Variants in ASB13 observed in about 807,000 individuals in gnomAD.
ASB13 encodes the protein ankyrin repeat and SOCS box protein 13.
In ASB13, 33 loss-of-function variants were observed where a neutral mutation model predicts 28.8. The observed-to-expected ratio is 1.15, with a 90% CI of 0.87 to 1.53. ASB13 has a LOEUF of 1.53. Among genes scored for constraint, ASB13 ranks in the 40% most tolerant of loss-of-function variants. ASB13 has a pLI of 0.00. For synonymous variants in ASB13, 182 were observed against 172.9 expected (o/e 1.05, Z -0.41); for missense variants, 414 against 390.1 (o/e 1.06, Z -0.52).
rs1208060801 is a variant in ASB13, at chr10:5,652,976, C to A, written c.118G>T (p.Glu40Ter). The change falls in exon 2 of 6, where the codon GAG becomes TAG. Residue 40 changes from glutamate (E) to a stop codon, truncating the protein, a stop_gained. Coordinates refer to ENST00000357700, the MANE Select transcript of ASB13 (RefSeq NM_024701.4). LOFTEE classifies it high-confidence loss of function. The surrounding 1 kb of genome is among the most constrained non-coding windows in gnomAD (Gnocchi z 5.0). ...GESLQLQQLI[E>*]SGACVNQVTV... Reference sequence around the variant, plus strand: ...ACCTGGTTCACGCAGGCGCCGCTCTCGATCAGCTGTTGCAGCTGCAGGCTC... The same window carrying A: ...ACCTGGTTCACGCAGGCGCCGCTCTAGATCAGCTGTTGCAGCTGCAGGCTC... The A allele has an allele frequency of 6.4e-7, 1 of 1,560,240 alleles. No homozygotes were observed. Among genetic ancestry groups the A allele is most frequent in the Non-Finnish European group, 8.7e-7 (1 of 1,151,748 alleles).
chr10:5,660,378 C>T lies in ASB13; in HGVS notation c.43+6131G>A, dbSNP rs1244518126. Among the ~76,000 whole-genome samples the T allele has an allele frequency of 1.3e-5, 2 of 152,180 alleles. No homozygotes were observed. Among genetic ancestry groups the T allele is most frequent in the African/African-American group, 4.8e-5 (2 of 41,442 alleles). On this transcript the variant is annotated intron_variant, in intron 1 of 5. Coordinates refer to ENST00000357700, the MANE Select transcript of ASB13 (RefSeq NM_024701.4). This position sits in a 1 kb window ranked among gnomAD's most constrained non-coding sequence, Gnocchi z 6.1. The stretch of plus-strand genomic sequence containing the variant: ...TTGCCCCTTTGCTGGGGCCCCGACA[C>T]CCTCCCATCTAAGGCTGTGCCCTGC...
rs910489739 is a variant in ASB13 at position 5,650,818 on chromosome 10, G to C, written c.382+395C>G. Among the ~76,000 whole-genome samples the C allele has an allele frequency of 1.3e-5, 2 of 152,188 alleles. No individual in the cohort carries two copies. The highest frequency in any genetic ancestry group is 2.9e-5 in the Non-Finnish European group (2 of 68,022). ...ACCAGCACTGTTTTGAGAGCACCAC[G>C]CACAGCCTCCTGGCCCAGGCTGTTG... On this transcript the variant is annotated intron_variant, in intron 3 of 5. Transcript: ENST00000357700. The surrounding 1 kb of genome is among the most constrained non-coding windows in gnomAD (Gnocchi z 6.0).
chr10:5,652,919 C>A lies in ASB13; in HGVS notation c.175G>T (p.Ala59Ser). 6.3e-7 allele frequency: 1 copy of A among 1,584,638 alleles called. No homozygotes were observed. The highest frequency in any genetic ancestry group is 1.2e-5 in the South Asian group (1 of 86,496). The change falls in exon 2 of 6, where the codon GCC (alanine) becomes TCC (serine). Residue 59 changes from alanine to serine, a missense_variant. Coordinates refer to ENST00000357700, the MANE Select transcript of ASB13 (RefSeq NM_024701.4). The surrounding 1 kb of genome is among the most constrained non-coding windows in gnomAD (Gnocchi z 5.0). ...CACCGCGCCTGGCCCTGCAGACTGG[C>A]TGCGTGCAGGGGCGTGATGGAGTCC... ...TVDSITPLHA[A>S]SLQGQARCVQ... is the part of the protein sequence containing the mutation.
At chr10:5,654,145 C>CTTTT (rs145949502) in intron 1 of ASB13, among the ~76,000 whole-genome samples, 2 of 128,782 alleles carry the variant, frequency 1.6e-5, no homozygotes, top group Non-Finnish European at 3.2e-5. Context: ...TTCTTTTTTT[C>CTTTT]TTTTTTTTTT....
At position 5,652,967 on chromosome 10, in the gene ASB13, C is replaced by A. The variant is rs749029951; in HGVS notation, c.127G>T (p.Ala43Ser). The change falls in exon 2 of 6, where the codon GCC (alanine) becomes TCC (serine). Residue 43 changes from alanine (A) to serine (S), a missense_variant. Coordinates refer to ENST00000357700, the MANE Select transcript of ASB13 (RefSeq NM_024701.4). The surrounding 1 kb of genome is among the most constrained non-coding windows in gnomAD (Gnocchi z 5.0). The part of the protein sequence containing the change: ...LQLQQLIESG[A>S]CVNQVTVDSI... The stretch of plus-strand genomic sequence containing the variant: ...TCCACGGTGACCTGGTTCACGCAGG[C>A]GCCGCTCTCGATCAGCTGTTGCAGC... The A allele has an allele frequency of 6.4e-7, 1 of 1,564,730 alleles. No individual in the cohort carries two copies. Among genetic ancestry groups the A allele is most frequent in the South Asian group, 1.2e-5 (1 of 84,938 alleles).
rs1224901266 is a variant in ASB13 at position 5,652,403 on chromosome 10, C to T, written c.231+460G>A. 6.6e-6 allele frequency among the ~76,000 whole-genome samples: 1 copy of T among 152,198 alleles called. No individual in the cohort carries two copies. Among genetic ancestry groups the T allele is most frequent in the Non-Finnish European group, 1.5e-5 (1 of 68,034 alleles). On this transcript the variant is annotated intron_variant, in intron 2 of 5. Transcript: ENST00000357700. This position sits in a 1 kb window ranked among gnomAD's most constrained non-coding sequence, Gnocchi z 5.0. ...AGGAATTCTGCTGACCAGAAACCCC[C>T]GGTGGCTTAATACTAGCCAGGGTGG...
Position 5,640,281 on chromosome 10 carries a change from C to G in ASB13, c.*422G>C, listed in dbSNP as rs1834785331. On this transcript the variant is annotated 3_prime_UTR_variant, in exon 6 of 6. Transcript: ENST00000357700. ...CCGACCCGGAGGTGGTGGCCTGCACCTGGGGCCTGTGCATCTGCGGCAGGC... is the reference window on the plus strand; with the variant it reads ...CCGACCCGGAGGTGGTGGCCTGCACGTGGGGCCTGTGCATCTGCGGCAGGC... 1 of 163,122 alleles carries G rather than the reference C, an allele frequency of 6.1e-6. No homozygotes were observed. Among genetic ancestry groups the G allele is most frequent in the South Asian group, 1.6e-4 (1 of 6,158 alleles). The allele number at this position is 163,122 out of a possible 1,614,324, so 10.1% of individuals were successfully genotyped here. A position where few individuals can be genotyped will look rare whatever the true frequency, so the allele number is the denominator to read the frequency against.
In ASB13 at chr10:5,664,647, T is replaced by C. The variant is rs978939050; in HGVS notation, c.43+1862A>G. ...TTCATCTACCACAGAAGGACGTCCA[T>C]AGGGAATGCAGAATTTCTTTATTTC... On this transcript the variant is annotated intron_variant, in intron 1 of 5. Coordinates refer to ENST00000357700, the MANE Select transcript of ASB13 (RefSeq NM_024701.4). This position sits in a 1 kb window ranked among gnomAD's most constrained non-coding sequence, Gnocchi z 4.2. Among the ~76,000 whole-genome samples the C allele has an allele frequency of 2.0e-5, 3 of 152,096 alleles. No homozygotes were observed. Among genetic ancestry groups the C allele is most frequent in the African/African-American group, 7.2e-5 (3 of 41,418 alleles).
intron 4 of ASB13, among the ~76,000 whole-genome samples, chr10:5,648,721 C>G (rs981360460): frequency 6.6e-6 from 1 of 150,998 alleles, no homozygotes; most frequent in African/African-American, 2.4e-5. Context: ...GGGGTAAACA[C>G]CCACGCAGGT....
Position 5,652,792 on chromosome 10 carries a change from TCTC to T in ASB13, c.231+68_231+70del. On this transcript the variant is annotated intron_variant, in intron 2 of 5. Transcript: ENST00000357700. The surrounding 1 kb of genome is among the most constrained non-coding windows in gnomAD (Gnocchi z 5.0). ...CCCCATCCTCCCCTCTTTCCCAAGT[TCTC>T]CTGAGTCAACCTCCTCCATTCTGGC... The T allele has an allele frequency of 1.4e-6, 2 of 1,424,726 alleles. No individual in the cohort carries two copies. Among genetic ancestry groups the T allele is most frequent in the Non-Finnish European group, 1.9e-6 (2 of 1,079,786 alleles). The allele number at this position is 1,424,726 out of a possible 1,614,324, so 88.3% of individuals were successfully genotyped here.
At position 5,660,481 on chromosome 10, in the gene ASB13, G is replaced by A. The variant is rs1462506381; in HGVS notation, c.43+6028C>T. Among the ~76,000 whole-genome samples, 1 of 152,158 alleles carries A rather than the reference G, an allele frequency of 6.6e-6. No homozygotes were observed. The highest frequency in any genetic ancestry group is 1.5e-5 in the Non-Finnish European group (1 of 68,026). ...GTGGCTCAGGGTCAGCCTACCCTCA[G>A]GGAGCAGACTCTACAGGGGCAAGCT... On this transcript the variant is annotated intron_variant, in intron 1 of 5. Transcript: ENST00000357700. The surrounding 1 kb of genome is among the most constrained non-coding windows in gnomAD (Gnocchi z 6.1).
rs569443664 is a variant in ASB13, at chr10:5,644,556, G to T, written c.518-2595C>A. Among the ~76,000 whole-genome samples, 1 of 152,112 alleles carries T rather than the reference G, an allele frequency of 6.6e-6. No homozygotes were observed. On this transcript the variant is annotated intron_variant, in intron 4 of 5. Coordinates refer to ENST00000357700, the MANE Select transcript of ASB13 (RefSeq NM_024701.4). This position sits in a 1 kb window ranked among gnomAD's most constrained non-coding sequence, Gnocchi z 5.1. ...AACAGGGCCAGACACGGTGGCTCATGCCTGTAATCCCAGCACTTTGAGAGC... is the reference window on the plus strand; with the variant it reads ...AACAGGGCCAGACACGGTGGCTCATTCCTGTAATCCCAGCACTTTGAGAGC...
rs1284943676 is a variant in ASB13 at position 5,663,406 on chromosome 10, C to T, written c.43+3103G>A. 6.6e-6 allele frequency among the ~76,000 whole-genome samples: 1 copy of T among 152,176 alleles called. No homozygotes were observed. Among genetic ancestry groups the T allele is most frequent in the Non-Finnish European group, 1.5e-5 (1 of 68,040 alleles). On this transcript the variant is annotated intron_variant, in intron 1 of 5. Transcript: ENST00000357700. The surrounding 1 kb of genome is among the most constrained non-coding windows in gnomAD (Gnocchi z 4.9). ...TCCCCTGACTCCCTCATCACTCACC[C>T]AATTATCTGCTACCCCGACTCCTCC...
At position 5,655,120 on chromosome 10, in the gene ASB13, T is replaced by C. The variant is rs527313555; in HGVS notation, c.44-2070A>G. ...TCTGTCTTTAAAAAAAAAAAAAAAG[T>C]GTCTGCATCGAATTTCCTCTGCAGG... On this transcript the variant is annotated intron_variant, in intron 1 of 5. Coordinates refer to ENST00000357700, the MANE Select transcript of ASB13 (RefSeq NM_024701.4). This position sits in a 1 kb window ranked among gnomAD's most constrained non-coding sequence, Gnocchi z 6.2. Among the ~76,000 whole-genome samples, 175 of 147,640 alleles carry C rather than the reference T, an allele frequency of 1.2e-3. No homozygotes were observed. The highest frequency in any genetic ancestry group is 4.1e-3 in the African/African-American group (167 of 40,244).
In ASB13 at chr10:5,658,864, G is replaced by A. The variant is rs779090735; in HGVS notation, c.44-5814C>T. On this transcript the variant is annotated intron_variant, in intron 1 of 5. Coordinates refer to ENST00000357700, the MANE Select transcript of ASB13 (RefSeq NM_024701.4). The surrounding 1 kb of genome is among the most constrained non-coding windows in gnomAD (Gnocchi z 4.2). ...GATAGAAGGCTAGAGGACAGCAGGTGCCTGGGGTGCACCTCGTCACCTTTC... is the reference window on the plus strand; with the variant it reads ...GATAGAAGGCTAGAGGACAGCAGGTACCTGGGGTGCACCTCGTCACCTTTC... Among the ~76,000 whole-genome samples, 6 of 152,168 alleles carry A rather than the reference G, an allele frequency of 3.9e-5. No individual in the cohort carries two copies. Among genetic ancestry groups the A allele is most frequent in the Non-Finnish European group, 8.8e-5 (6 of 68,024 alleles).
Position 5,651,474 on chromosome 10 carries a change from T to C in ASB13, c.232-111A>G, listed in dbSNP as rs767924124. On this transcript the variant is annotated intron_variant, in intron 2 of 5. Transcript: ENST00000357700. The surrounding 1 kb of genome is among the most constrained non-coding windows in gnomAD (Gnocchi z 5.1). ...AAGATGCTTCTTAGAAGCACCGGTT[T>C]GCTTTGCTATTATGTGCTAGGCAAC... 5 of 1,272,006 alleles carry C rather than the reference T, an allele frequency of 3.9e-6. No homozygotes were observed. Among genetic ancestry groups the C allele is most frequent in the Non-Finnish European group, 5.3e-6 (5 of 936,238 alleles). 78.8% of individuals were successfully genotyped at this position (1,272,006 alleles called of 1,614,324 possible).
rs147090753 is a variant in ASB13 at position 5,652,929 on chromosome 10, G to A, written c.165C>T (p.Pro55=). 6.6e-5 allele frequency: 105 copies of A among 1,583,804 alleles called. No individual in the cohort carries two copies. In the African/African-American group the frequency reaches 1.2e-3, roughly 18 times the overall value. Reference sequence around the variant, plus strand: ...GGCCCTGCAGACTGGCTGCGTGCAGGGGCGTGATGGAGTCCACGGTGACCT... The same window carrying A: ...GGCCCTGCAGACTGGCTGCGTGCAGAGGCGTGATGGAGTCCACGGTGACCT... ...VNQVTVDSIT[P]LHAASLQGQA... is the part of the protein sequence containing the mutation. The change falls in exon 2 of 6, where the codon CCC becomes CCT. Residue 55 remains proline (P), a synonymous_variant. Coordinates refer to ENST00000357700, the MANE Select transcript of ASB13 (RefSeq NM_024701.4). This position sits in a 1 kb window ranked among gnomAD's most constrained non-coding sequence, Gnocchi z 5.0.
intron 4 of ASB13, among the ~76,000 whole-genome samples, chr10:5,646,258 A>G (rs2131443946): frequency 6.6e-6 from 1 of 152,320 alleles, no homozygotes; most frequent in East Asian, 1.9e-4. Flanking sequence ...GGGCGGGAGC[A>G]GACCTGACTT....
chr10:5,666,377 G>T, intron 1 of ASB13, 132 bp downstream of exon 1: 1 of 749,564 alleles, frequency 1.3e-6, no homozygotes, highest in Non-Finnish European at 1.7e-6. Context: ...GGCCCACCCC[G>T]CCAAACGCCC....
Sources: gnomAD v4.1 joint callset for allele counts (sites outside exome capture counted in the v4.1 genomes callset) on GRCh38, gnomAD v4.1.1 for gene constraint, Gnocchi (gnomAD v3.1) non-coding constraint, MANE v1.5 for transcripts, NCBI Gene and HGNC (gene_info 2026-07-23, HGNC 2026-07-21) for gene names.